BNC2: variants seen among roughly 807,000 people sequenced by gnomAD.
BNC2 encodes zinc finger protein basonuclin-2.
Under a neutral mutation model 76.3 loss-of-function variants are expected in BNC2, and 20 were observed. That is an observed-to-expected ratio of 0.26 (90% CI 0.18 to 0.38). BNC2 has a LOEUF of 0.38. BNC2 is among the 10% of genes least tolerant of loss of function. The pLI is 1.00. For missense variants in BNC2, 1,382 were observed against 1,399.8 expected (o/e 0.99, Z 0.20); for synonymous variants, 582 against 514.8 (o/e 1.13, Z -1.77).
At chr9:16,561,631 G>T (rs1819019294) in intron 4 of BNC2, among the ~76,000 whole-genome samples, 1 of 152,066 alleles carries the variant, frequency 6.6e-6, no homozygotes, top group Admixed American at 6.5e-5. Context: ...TAGATACTTG[G>T]CTTATATTCT....
intron 3 of BNC2, among the ~76,000 whole-genome samples, chr9:16,713,065 T>C (rs907858986): frequency 1.3e-5 from 2 of 152,156 alleles, no homozygotes; most frequent in East Asian, 1.9e-4. Context: ...AGGCCCATCG[T>C]CCTCCCCATG....
At chr9:16,515,834 A>C (rs775897189) in intron 5 of BNC2, among the ~76,000 whole-genome samples, 8 of 151,944 alleles carry the variant, frequency 5.3e-5, no homozygotes, top group Non-Finnish European at 1.2e-4. Context: ...ATATATATAC[A>C]TCTCATTGCA....
intron 1 of BNC2, among the ~76,000 whole-genome samples, chr9:16,778,374 A>G (rs536917946): frequency 6.8e-4 from 103 of 152,206 alleles, no homozygotes; most frequent in Admixed American, 1.2e-3. Flanking sequence ...TTCTGAAACA[A>G]AGACACAAAC....
intron 1 of BNC2, among the ~76,000 whole-genome samples, chr9:16,816,694 A>G (rs1818190564): frequency 6.6e-6 from 1 of 152,196 alleles, no homozygotes; most frequent in Admixed American, 6.5e-5. Context: ...AGGACACAAT[A>G]CACACACACA....
At position 16,752,657 on chromosome 9, in the gene BNC2, T is replaced by G. The variant is rs570627686; in HGVS notation, c.4-14172A>C. Among the ~76,000 whole-genome samples the G allele has an allele frequency of 2.2e-3, 318 of 141,690 alleles. 2 individuals carry two copies. Among genetic ancestry groups the G allele is most frequent in the African/African-American group, 8.0e-3 (309 of 38,852 alleles). 93.0% of individuals were successfully genotyped at this position (141,690 alleles called of 152,430 possible). On this transcript the variant is annotated intron_variant, in intron 1 of 6. Coordinates refer to ENST00000380672, the MANE Select transcript of BNC2 (RefSeq NM_017637.6). ...ACAAGTTACAAAATAATCTGTATAG[T>G]TTTCTTTTTATTCTAGATTCTCTCT...
chr9:16,479,160 G>A (rs1196559366), intron 5 of BNC2, among the ~76,000 whole-genome samples: 2 of 151,312 alleles, frequency 1.3e-5, no homozygotes, highest in Non-Finnish European at 2.9e-5. Flanking sequence ...TCTGAGGCAG[G>A]AGAACTGCTT....
At chr9:16,580,170 A>C (rs1819594501) in intron 4 of BNC2, 1 of 398,402 alleles carries the variant, frequency 2.5e-6, no homozygotes, top group Non-Finnish European at 4.4e-6. Flanking sequence ...GAGGGAATGA[A>C]GCAATTAGTT....
rs181412292 is a variant in BNC2, at chr9:16,553,532, C to G, written c.434-767G>C. ...ATAACAAGTCACTTTGTTAATAGCT[C>G]TAAGGGTACAGATGAAAATGGAAAC... On this transcript the variant is annotated intron_variant, in intron 4 of 6. Coordinates refer to ENST00000380672, the MANE Select transcript of BNC2 (RefSeq NM_017637.6). 2.0e-4 allele frequency among the ~76,000 whole-genome samples: 30 copies of G among 152,200 alleles called. No homozygotes were observed. The East Asian group carries it at 5.8e-3, about 29-fold the overall frequency.
chr9:16,532,388 T>G (rs774386468), intron 5 of BNC2, among the ~76,000 whole-genome samples: 31 of 152,122 alleles, frequency 2.0e-4, no homozygotes, highest in Non-Finnish European at 4.3e-4. Context: ...CCAGGTGGTG[T>G]TTAGTAATGT....
intron 1 of BNC2, among the ~76,000 whole-genome samples, chr9:16,860,951 C>T (rs969038273): frequency 1.3e-5 from 2 of 151,376 alleles, no homozygotes; most frequent in African/African-American, 4.9e-5. Flanking sequence ...GACGCTGAGG[C>T]AGGACAATGG....
intron 5 of BNC2, among the ~76,000 whole-genome samples, chr9:16,549,867 T>A (rs1193017108): frequency 6.6e-6 from 1 of 152,022 alleles, no homozygotes; most frequent in Non-Finnish European, 1.5e-5. Flanking sequence ...ATTCTACCAA[T>A]AAAACAAGAC....
At chr9:16,542,051 T>C (rs1169424659) in intron 5 of BNC2, among the ~76,000 whole-genome samples, 1 of 151,754 alleles carries the variant, frequency 6.6e-6, no homozygotes. Context: ...AAATAGAAAA[T>C]ACAGTAACCA....
chr9:16,835,178 A>G (rs983451086), intron 1 of BNC2, among the ~76,000 whole-genome samples: 1 of 152,242 alleles, frequency 6.6e-6, no homozygotes, highest in Non-Finnish European at 1.5e-5. Context: ...GCAACTTCAT[A>G]TAATAGCAAA....
intron 3 of BNC2, among the ~76,000 whole-genome samples, chr9:16,638,706 A>C (rs1054914078): frequency 1.3e-5 from 2 of 152,176 alleles, no homozygotes; most frequent in African/African-American, 4.8e-5. Flanking sequence ...AAAAACCTTC[A>C]TCTACGAAAA....
intron 1 of BNC2, among the ~76,000 whole-genome samples, chr9:16,745,989 T>C (rs543855355): frequency 1.3e-4 from 20 of 152,332 alleles, no homozygotes; most frequent in African/African-American, 3.8e-4. Flanking sequence ...CCTTGGCTTC[T>C]GCAGCCTTAC....
At chr9:16,596,608 C>CTGTT (rs1820089599) in intron 3 of BNC2, among the ~76,000 whole-genome samples, 1 of 152,022 alleles carries the variant, frequency 6.6e-6, no homozygotes, top group South Asian at 2.1e-4. Flanking sequence ...GCAGAAGAAA[C>CTGTT]TACAAAAGGT....
chr9:16,515,734 TA>T (rs945421013), intron 5 of BNC2, among the ~76,000 whole-genome samples: 1 of 145,982 alleles, frequency 6.9e-6, no homozygotes, highest in Non-Finnish European at 1.5e-5. Flanking sequence ...AAAAAAAATT[TA>T]AAAAAAACCT....
intron 1 of BNC2, among the ~76,000 whole-genome samples, chr9:16,818,277 G>A (rs1327496691): frequency 2.0e-5 from 3 of 152,092 alleles, no homozygotes; most frequent in African/African-American, 4.8e-5. Flanking sequence ...GTTGGCGGGC[G>A]CCTGTAGTCC....
chr9:16,723,454 T>C (rs567498882), intron 3 of BNC2, among the ~76,000 whole-genome samples: 2 of 151,624 alleles, frequency 1.3e-5, no homozygotes, highest in East Asian at 1.9e-4. Flanking sequence ...TAATACTATA[T>C]ATATATATGC....
Sources: gnomAD v4.1 joint callset for allele counts (sites outside exome capture counted in the v4.1 genomes callset) on GRCh38, gnomAD v4.1.1 for gene constraint, MANE v1.5 for transcripts, NCBI Gene and HGNC (gene_info 2026-07-23, HGNC 2026-07-21) for gene names.